Variants in LRRTM4 observed in about 807,000 individuals in gnomAD.
LRRTM4 encodes leucine rich repeat transmembrane neuronal 4, also known as leucine-rich repeat transmembrane neuronal protein 4.
In LRRTM4, 25 loss-of-function variants were observed where a neutral mutation model predicts 47.6. That is an observed-to-expected ratio of 0.53 (90% CI 0.38 to 0.73). The LOEUF (loss-of-function observed/expected upper bound fraction) is 0.73, where lower values mean the gene tolerates loss of function less well. Among genes scored for constraint, LRRTM4 ranks in the 30% least tolerant of loss-of-function variants. LRRTM4 has a pLI of 0.00. For missense variants in LRRTM4, 638 were observed against 713.4 expected, an observed-to-expected ratio of 0.89 and a Z score of 1.20; for synonymous variants, 311 against 269.5, an observed-to-expected ratio of 1.15 and a Z score of -1.51.
At chr2:77,019,000 GA>G (rs1025807427) in intron 3 of LRRTM4, among the ~76,000 whole-genome samples, 6 of 151,828 alleles carry the variant, frequency 4.0e-5, no homozygotes, top group African/African-American at 1.5e-4. Flanking sequence ...GAAAAAAAAT[GA>G]AATATCTTGT....
chr2:77,035,803 T>C (rs960408363), intron 3 of LRRTM4, among the ~76,000 whole-genome samples: 15 of 151,808 alleles, frequency 9.9e-5, no homozygotes, highest in Non-Finnish European at 1.9e-4. Context: ...GAGTTGATTT[T>C]CATTTTTTAA....
At chr2:77,326,979 C>T (rs372446871) in intron 3 of LRRTM4, among the ~76,000 whole-genome samples, 1 of 152,080 alleles carries the variant, frequency 6.6e-6, no homozygotes, top group Admixed American at 6.5e-5. Context: ...CCTAAACCAG[C>T]GGCTCAGCTG....
intron 3 of LRRTM4, among the ~76,000 whole-genome samples, chr2:77,122,317 G>A (rs2103957642): frequency 6.6e-6 from 1 of 151,382 alleles, no homozygotes; most frequent in Admixed American, 6.6e-5. Context: ...AAAATAATGA[G>A]TTCTAATGTT....
chr2:76,971,649 G>C lies in LRRTM4; in HGVS notation c.1552-222733C>G, dbSNP rs140356181. 1.6e-3 allele frequency among the ~76,000 whole-genome samples: 237 copies of C among 152,140 alleles called. 1 individual carries two copies. Among genetic ancestry groups the C allele is most frequent in the African/African-American group, 5.0e-3 (207 of 41,528 alleles). Reference sequence around the variant, plus strand: ...GGAGCAAGCATGGGTGGTAAAAAGAGAATAAGAAGTAAGCTTGGAATTGAG... The same window carrying C: ...GGAGCAAGCATGGGTGGTAAAAAGACAATAAGAAGTAAGCTTGGAATTGAG... On this transcript the variant is annotated intron_variant, in intron 3 of 3. Coordinates refer to ENST00000409884, the MANE Select transcript of LRRTM4 (RefSeq NM_001134745.3).
intron 3 of LRRTM4, among the ~76,000 whole-genome samples, chr2:77,166,029 T>G (rs1672874282): frequency 6.6e-6 from 1 of 152,200 alleles, no homozygotes; most frequent in Non-Finnish European, 1.5e-5. Flanking sequence ...TTGTCCCTGT[T>G]TGCAGATGAC....
intron 3 of LRRTM4, among the ~76,000 whole-genome samples, chr2:77,443,886 ACT>A (rs895850091): frequency 6.6e-6 from 1 of 152,060 alleles, no homozygotes; most frequent in African/African-American, 2.4e-5. Context: ...CAACAATAAG[ACT>A]CTGACTCAGG....
chr2:76,881,719 C>A (rs1427854255), intron 3 of LRRTM4, among the ~76,000 whole-genome samples: 1 of 151,970 alleles, frequency 6.6e-6, no homozygotes, highest in Non-Finnish European at 1.5e-5. Context: ...AAGTACCAAA[C>A]TCTTCCTGTT....
intron 3 of LRRTM4, among the ~76,000 whole-genome samples, chr2:77,197,039 G>GT (rs552623307): frequency 2.6e-5 from 4 of 151,880 alleles, no homozygotes; most frequent in South Asian, 2.1e-4. Flanking sequence ...GAAAGTAGGT[G>GT]TTTTTTTCTC....
At chr2:77,438,348 A>G (rs1213456938) in intron 3 of LRRTM4, among the ~76,000 whole-genome samples, 2 of 151,572 alleles carry the variant, frequency 1.3e-5, no homozygotes, top group Admixed American at 6.6e-5. Flanking sequence ...TGTGTCTCAA[A>G]TAGGTTGGAA....
At chr2:77,256,936 T>C (rs912640865) in intron 3 of LRRTM4, among the ~76,000 whole-genome samples, 6 of 152,178 alleles carry the variant, frequency 3.9e-5, no homozygotes, top group Admixed American at 6.6e-5. Context: ...AAAAGATGTA[T>C]AGAACATGAC....
intron 3 of LRRTM4, among the ~76,000 whole-genome samples, chr2:77,206,260 C>A (rs1298307498): frequency 2.6e-5 from 4 of 151,110 alleles, no homozygotes; most frequent in Non-Finnish European, 5.9e-5. Flanking sequence ...CTCCCTGTAA[C>A]CTCTGCGTCC....
intron 3 of LRRTM4, among the ~76,000 whole-genome samples, chr2:77,384,536 T>C (rs1251540003): frequency 2.0e-5 from 3 of 151,880 alleles, no homozygotes; most frequent in Non-Finnish European, 4.4e-5. Flanking sequence ...ATAGTATTAC[T>C]AATAGCAATA....
At chr2:77,033,539 A>T (rs1678734060) in intron 3 of LRRTM4, among the ~76,000 whole-genome samples, 1 of 151,934 alleles carries the variant, frequency 6.6e-6, no homozygotes, top group Non-Finnish European at 1.5e-5. Context: ...AATTTTATTG[A>T]AGGAGGAGAT....
intron 3 of LRRTM4, among the ~76,000 whole-genome samples, chr2:77,093,898 C>T (rs1257103712): frequency 6.6e-6 from 1 of 151,816 alleles, no homozygotes; most frequent in Admixed American, 6.6e-5. Flanking sequence ...AAAAACACCC[C>T]CACTGAGCAC....
chr2:77,226,225 C>G (rs1674801422), intron 3 of LRRTM4, among the ~76,000 whole-genome samples: 1 of 151,766 alleles, frequency 6.6e-6, no homozygotes, highest in Non-Finnish European at 1.5e-5. Flanking sequence ...ACAAAGCAGC[C>G]TATTACCTAT....
intron 3 of LRRTM4, among the ~76,000 whole-genome samples, chr2:77,238,195 G>T (rs897164595): frequency 6.6e-6 from 1 of 151,996 alleles, no homozygotes; most frequent in African/African-American, 2.4e-5. Flanking sequence ...ATGTTAATCT[G>T]CTTCACTGTA....
At chr2:77,410,924 T>C (rs999783512) in intron 3 of LRRTM4, among the ~76,000 whole-genome samples, 2 of 152,170 alleles carry the variant, frequency 1.3e-5, no homozygotes, top group Admixed American at 1.3e-4. Context: ...TGCCAAACAT[T>C]TGTTGGAAAC....
intron 3 of LRRTM4, among the ~76,000 whole-genome samples, chr2:77,138,917 A>G (rs1360931643): frequency 6.6e-6 from 1 of 152,166 alleles, no homozygotes; most frequent in Non-Finnish European, 1.5e-5. Flanking sequence ...CCCAAGACTA[A>G]ACCAGGAAGA....
At chr2:77,386,361 CAA>C (rs1374783273) in intron 3 of LRRTM4, among the ~76,000 whole-genome samples, 1 of 152,014 alleles carries the variant, frequency 6.6e-6, no homozygotes, top group Non-Finnish European at 1.5e-5. Flanking sequence ...GTGAATAAAA[CAA>C]AGAGAAATGC....
Sources: allele counts gnomAD v4.1 joint callset (sites outside exome capture counted in the v4.1 genomes callset), GRCh38; gene constraint gnomAD v4.1.1; transcripts MANE v1.5; gene names NCBI Gene and HGNC (gene_info 2026-07-23, HGNC 2026-07-21).